The following LRCH4 variants were observed in gnomAD, a reference collection of about 807,000 sequenced individuals.
LRCH4 encodes leucine rich repeats and calponin homology domain containing 4.
A neutral mutation model predicts 81.2 loss-of-function variants in LRCH4; 56 were observed. The ratio of observed to expected loss-of-function variants is 0.69; its 90% CI spans 0.56 to 0.86. The LOEUF (loss-of-function observed/expected upper bound fraction) is 0.86. Ranked by LOEUF, LRCH4 falls within the 40% of genes least tolerant of loss-of-function variation. LRCH4 has a pLI of 0.00. For missense variants in LRCH4, 895 were observed against 922.8 expected (o/e 0.97, Z 0.39); for synonymous variants, 442 against 409.7 (o/e 1.08, Z -0.95).
intron 4 of LRCH4, chr7:100,581,572 AGCCG>A: frequency 1.8e-6 from 1 of 543,548 alleles, no homozygotes; most frequent in Non-Finnish European, 3.3e-6. Context: ...TACCACAAGG[AGCCG>A]GCAGTCTGCA....
chr7:100,577,552 G>A lies in LRCH4; in HGVS notation c.1123C>T (p.Arg375Ter), dbSNP rs1390936558. 1.2e-6 allele frequency: 2 copies of A among 1,610,824 alleles called. No homozygotes were observed. Among genetic ancestry groups the A allele is most frequent in the Non-Finnish European group, 1.7e-6 (2 of 1,179,960 alleles). The change falls in exon 10 of 18, where the codon CGA (arginine) becomes TGA (stop). Residue 375 changes from arginine to a stop codon, truncating the protein, a stop_gained. Coordinates refer to ENST00000310300, the MANE Select transcript of LRCH4 (RefSeq NM_002319.5). LOFTEE classifies it high-confidence loss of function. This position sits in a 1 kb window ranked among gnomAD's most constrained non-coding sequence, Gnocchi z 6.7. ...DEERGTVEEQ[R>*]PPELSPGAGD... ...GCCCCAGGGCTTAATTCGGGTGGTCGCTGCTCCTAAGGAGAGAACAGCAGA... is the reference window on the plus strand; with the variant it reads ...GCCCCAGGGCTTAATTCGGGTGGTCACTGCTCCTAAGGAGAGAACAGCAGA...
rs749414886 is a variant in LRCH4 at position 100,586,035 on chromosome 7, C to T, written c.66G>A (p.Val22=). 83 of 1,597,660 alleles carry T rather than the reference C, an allele frequency of 5.2e-5. No homozygotes were observed. The highest frequency in any genetic ancestry group is 6.9e-5 in the Non-Finnish European group (81 of 1,172,780). ...TCCCCGGCAGACCTGGAGACCCGGG[C>T]ACGGAGGTCGTGGCTGCCGCCTCCT... ...GGEEAAATTS[V]PGSPGLPGRR... The change falls in exon 1 of 18, where the codon GTG becomes GTA. Residue 22 remains valine, a synonymous_variant. Coordinates refer to ENST00000310300, the MANE Select transcript of LRCH4 (RefSeq NM_002319.5).
Position 100,575,312 on chromosome 7 carries a change from A to G in LRCH4, c.1855-8T>C. ...GGGCGAGCACAGGTCAGCCTGGGGGAGAGGAGAGCAGGTGGACAAGGACAA... is the reference window on the plus strand; with the variant it reads ...GGGCGAGCACAGGTCAGCCTGGGGGGGAGGAGAGCAGGTGGACAAGGACAA... On this transcript the variant is annotated splice_polypyrimidine_tract_variant and splice_region_variant and intron_variant, in intron 17 of 17. Coordinates refer to ENST00000310300, the MANE Select transcript of LRCH4 (RefSeq NM_002319.5). The surrounding 1 kb of genome is among the most constrained non-coding windows in gnomAD (Gnocchi z 5.3). 6.5e-7 allele frequency: 1 copy of G among 1,532,484 alleles called. No homozygotes were observed. Among genetic ancestry groups the G allele is most frequent in the Non-Finnish European group, 8.8e-7 (1 of 1,134,868 alleles). 94.9% of individuals were successfully genotyped at this position (1,532,484 alleles called of 1,614,324 possible).
At chr7:100,576,617 C>A in intron 14 of LRCH4, 77 bp downstream of exon 14, 1 of 1,285,836 alleles carries the variant, frequency 7.8e-7, no homozygotes, top group Non-Finnish European at 1.1e-6. Context: ...ACCCAGAGGG[C>A]TCCCAGGGCA....
chr7:100,576,899 C>A lies in LRCH4; in HGVS notation c.1468+3G>T, dbSNP rs781017494. ...CATCCTCCTCCCAAAATCCCTGTCCCACCTGGTCCAGCTATGGGAAGGGGC... is the reference window on the plus strand; with the variant it reads ...CATCCTCCTCCCAAAATCCCTGTCCAACCTGGTCCAGCTATGGGAAGGGGC... On this transcript the variant is annotated splice_donor_region_variant and intron_variant, in intron 13 of 17. Coordinates refer to ENST00000310300, the MANE Select transcript of LRCH4 (RefSeq NM_002319.5). 3 of 1,549,616 alleles carry A rather than the reference C, an allele frequency of 1.9e-6. No individual in the cohort carries two copies. The South Asian group carries it at 3.5e-5, about 18-fold the overall frequency.
At position 100,577,691 on chromosome 7, in the gene LRCH4, C is replaced by G. The variant is rs1368162143; in HGVS notation, c.1089G>C (p.Gly363=). 1 of 1,614,034 alleles carries G rather than the reference C, an allele frequency of 6.2e-7. No individual in the cohort carries two copies. Among genetic ancestry groups the G allele is most frequent in the Admixed American group, 1.7e-5 (1 of 60,028 alleles). Residue 363 remains glycine (G), a synonymous_variant, in exon 9 of 18, where the codon GGG becomes GGC. Transcript: ENST00000310300. This position sits in a 1 kb window ranked among gnomAD's most constrained non-coding sequence, Gnocchi z 6.7. ...CCACAGTGCCTCGCTCTTCATCCTC[C>G]CCGGGGACATGGCTGTCGATGAAGT... ...QIDFIDSHVP[G]EDEERGTVEE...
In LRCH4 at chr7:100,581,853, C is replaced by G. The variant is rs553043430; in HGVS notation, c.522G>C (p.Leu174=). 1.2e-6 allele frequency: 2 copies of G among 1,614,200 alleles called. No homozygotes were observed. Among genetic ancestry groups the G allele is most frequent in the Non-Finnish European group, 1.7e-6 (2 of 1,180,040 alleles). The stretch of plus-strand genomic sequence containing the variant: ...AAGAGAGGCCACACAGTTCCGAGGG[C>G]AGGGATTGGAGCTCGTTGCTGCTCA... ...LDVSSNELQS[L]PSELCGLSSL... is the part of the protein sequence containing the mutation. Residue 174 remains leucine, a synonymous_variant, in exon 4 of 18, where the codon CTG becomes CTC. Transcript: ENST00000310300.
At position 100,576,678 on chromosome 7, in the gene LRCH4, A is replaced by G; in HGVS notation, c.1552+16T>C. 1 of 1,575,950 alleles carries G rather than the reference A, an allele frequency of 6.3e-7. No homozygotes were observed. Among genetic ancestry groups the G allele is most frequent in the Admixed American group, 1.8e-5 (1 of 54,304 alleles). On this transcript the variant is annotated intron_variant, in intron 14 of 17. Coordinates refer to ENST00000310300, the MANE Select transcript of LRCH4 (RefSeq NM_002319.5). Reference sequence around the variant, plus strand: ...GGCAAGCACTGGGTCAGCACTGGGGAGGGCAGGACACCCACCTGAGCCACT... The same window carrying G: ...GGCAAGCACTGGGTCAGCACTGGGGGGGGCAGGACACCCACCTGAGCCACT...
At position 100,577,445 on chromosome 7, in the gene LRCH4, G is replaced by A. The variant is rs1046706296; in HGVS notation, c.1178+52C>T. ...GACCCCGGGGTCAGGGAAGGAGGCGGTTGGGGGGTGGGAGGATCGGGCAGT... is the reference window on the plus strand; with the variant it reads ...GACCCCGGGGTCAGGGAAGGAGGCGATTGGGGGGTGGGAGGATCGGGCAGT... On this transcript the variant is annotated intron_variant, in intron 10 of 17. Coordinates refer to ENST00000310300, the MANE Select transcript of LRCH4 (RefSeq NM_002319.5). The surrounding 1 kb of genome is among the most constrained non-coding windows in gnomAD (Gnocchi z 6.7). 13 of 1,602,196 alleles carry A rather than the reference G, an allele frequency of 8.1e-6. No individual in the cohort carries two copies. The highest frequency in any genetic ancestry group is 1.1e-5 in the Non-Finnish European group (13 of 1,179,744).
In LRCH4 at chr7:100,576,301, G is replaced by A; in HGVS notation, c.1575C>T (p.Val525=). Residue 525 remains valine (V), a synonymous_variant, in exon 15 of 18, where the codon GTC becomes GTT. Transcript: ENST00000310300. ...CCTGGGGGTACCGCCGAGGTCTCAGGACAGAGTCTGGTGAGGAAGGGCCTA... is the reference window on the plus strand; with the variant it reads ...CCTGGGGGTACCGCCGAGGTCTCAGAACAGAGTCTGGTGAGGAAGGGCCTA... ...SGSGPSSPDS[V]LRPRRYPQVP... 1 of 1,614,082 alleles carries A rather than the reference G, an allele frequency of 6.2e-7. No individual in the cohort carries two copies. Among genetic ancestry groups the A allele is most frequent in the African/African-American group, 1.3e-5 (1 of 75,052 alleles).
rs541574425 is a variant in LRCH4 at position 100,576,321 on chromosome 7, G to A, written c.1555C>T (p.Pro519Ser). 13 of 1,613,506 alleles carry A rather than the reference G, an allele frequency of 8.1e-6. No homozygotes were observed. The East Asian group carries it at 1.6e-4, about 19-fold the overall frequency. Reference sequence around the variant, plus strand: ...CTCAGGACAGAGTCTGGTGAGGAAGGGCCTAGGAGAAAAAGGGGGGCATGG... The same window carrying A: ...CTCAGGACAGAGTCTGGTGAGGAAGAGCCTAGGAGAAAAAGGGGGGCATGG... ...FRSSSQSGSG[P>S]SSPDSVLRPR... Residue 519 changes from proline to serine, a missense_variant and splice_region_variant, in exon 15 of 18, where the codon CCT becomes TCT. This residue lies in a region of LRCH4 where 529 missense variants were observed against 504.9 expected (regional missense o/e 1.05). Coordinates refer to ENST00000310300, the MANE Select transcript of LRCH4 (RefSeq NM_002319.5).
rs1421107540 is a variant in LRCH4 at position 100,585,942 on chromosome 7, G to A, written c.159C>T (p.Arg53=). ...CCGCGCCCCGGGGGAAGTGCTTCAA[G>A]CGCCGGTTAGACAGGTTCAGGGTCC... ...ATGTLNLSNR[R]LKHFPRGAAR... is the part of the protein sequence containing the mutation. Residue 53 remains arginine (R), a synonymous_variant, in exon 1 of 18, where the codon CGC becomes CGT. Coordinates refer to ENST00000310300, the MANE Select transcript of LRCH4 (RefSeq NM_002319.5). 2 of 1,612,340 alleles carry A rather than the reference G, an allele frequency of 1.2e-6. No homozygotes were observed. The highest frequency in any genetic ancestry group is 2.7e-5 in the African/African-American group (2 of 74,692).
At chr7:100,581,745 A>ACACCTCCTCTCCAGTTCTT in intron 4 of LRCH4, 32 bp downstream of exon 4, 1 of 1,602,370 alleles carries the variant, frequency 6.2e-7, no homozygotes, top group African/African-American at 1.3e-5. Context: ...GCACATACAA[A>ACACCTCCTCTCCAGTTCTT]CACCTCCTCT....
chr7:100,576,398 G>C lies in LRCH4; in HGVS notation c.1553-75C>G. 3 of 1,028,402 alleles carry C rather than the reference G, an allele frequency of 2.9e-6. No individual in the cohort carries two copies. The South Asian group carries it at 4.0e-5, about 14-fold the overall frequency. 63.7% of individuals were successfully genotyped at this position (1,028,402 alleles called of 1,614,324 possible). A position where few individuals can be genotyped will look rare whatever the true frequency, so the allele number is the denominator to read the frequency against. On this transcript the variant is annotated intron_variant, in intron 14 of 17. Transcript: ENST00000310300. Reference sequence around the variant, plus strand: ...TCTGTAGCTGGGTCCCAGTGGCCTGGCACCTACACCTCCTGCCTCTCTGCT... The same window carrying C: ...TCTGTAGCTGGGTCCCAGTGGCCTGCCACCTACACCTCCTGCCTCTCTGCT...
Position 100,582,970 on chromosome 7 carries a change from G to A in LRCH4, c.221-511C>T, listed in dbSNP as rs1801609051. 6.6e-6 allele frequency among the ~76,000 whole-genome samples: 1 copy of A among 152,198 alleles called. No homozygotes were observed. Among genetic ancestry groups the A allele is most frequent in the South Asian group, 2.1e-4 (1 of 4,830 alleles). On this transcript the variant is annotated intron_variant, in intron 1 of 17. Coordinates refer to ENST00000310300, the MANE Select transcript of LRCH4 (RefSeq NM_002319.5). The surrounding 1 kb of genome is among the most constrained non-coding windows in gnomAD (Gnocchi z 5.0). Reference sequence around the variant, plus strand: ...GTTTTCAACACGGGAAAAACCACAGGTCACTCTATCTTGGTTCTAGAGATA... The same window carrying A: ...GTTTTCAACACGGGAAAAACCACAGATCACTCTATCTTGGTTCTAGAGATA...
chr7:100,582,282 C>A lies in LRCH4; in HGVS notation c.365+33G>T, dbSNP rs925099315. The A allele has an allele frequency of 6.2e-7, 1 of 1,613,740 alleles. No individual in the cohort carries two copies. The highest frequency in any genetic ancestry group is 1.3e-5 in the African/African-American group (1 of 74,912). Reference sequence around the variant, plus strand: ...GTAGTACTTGAGACTGAGAAGCACACGCTCCCACGTGGCCCTGGCTCGGCC... The same window carrying A: ...GTAGTACTTGAGACTGAGAAGCACAAGCTCCCACGTGGCCCTGGCTCGGCC... On this transcript the variant is annotated intron_variant, in intron 2 of 17. Coordinates refer to ENST00000310300, the MANE Select transcript of LRCH4 (RefSeq NM_002319.5). This position sits in a 1 kb window ranked among gnomAD's most constrained non-coding sequence, Gnocchi z 5.0.
chr7:100,576,651 C>T (rs1374168739), intron 14 of LRCH4, 43 bp downstream of exon 14: 5 of 1,516,024 alleles, frequency 3.3e-6, no homozygotes, highest in Non-Finnish European at 4.5e-6. Flanking sequence ...GCCGTTGGTG[C>T]TGGCAAGCAC....
At position 100,575,743 on chromosome 7, in the gene LRCH4, T is replaced by C. The variant is rs751995918; in HGVS notation, c.1816A>G (p.Ser606Gly). Residue 606 changes from serine to glycine, a missense_variant, in exon 17 of 18, where the codon AGT (serine) becomes GGT (glycine). By Grantham distance (56) the Ser-to-Gly change is moderately conservative (BLOSUM62 0). Coordinates refer to ENST00000310300, the MANE Select transcript of LRCH4 (RefSeq NM_002319.5). This position sits in a 1 kb window ranked among gnomAD's most constrained non-coding sequence, Gnocchi z 5.3. ...SALKARKNVE[S>G]FLEACRKMGV... Reference sequence around the variant, plus strand: ...ATTTTTCGACAGGCTTCTAGAAAACTCTCCACATTCTTCCGAGCCTTGAGG... The same window carrying C: ...ATTTTTCGACAGGCTTCTAGAAAACCCTCCACATTCTTCCGAGCCTTGAGG... 1 of 1,613,360 alleles carries C rather than the reference T, an allele frequency of 6.2e-7. No homozygotes were observed.
intron 1 of LRCH4, 43 bp downstream of exon 1, chr7:100,585,838 C>T (rs752282100): frequency 2.0e-6 from 3 of 1,513,266 alleles, no homozygotes; most frequent in East Asian, 5.0e-5. Context: ...TGGGGCTATG[C>T]AAATGAGGGA....
Sources: gnomAD v4.1 joint callset for allele counts (sites outside exome capture counted in the v4.1 genomes callset) on GRCh38, gnomAD v4.1.1 for gene constraint, gnomAD v4.1.1 regional missense constraint, Gnocchi (gnomAD v3.1) non-coding constraint, MANE v1.5 for transcripts, NCBI Gene and HGNC (gene_info 2026-07-23, HGNC 2026-07-21) for gene names.